AUTS2: variants seen among roughly 807,000 people sequenced by gnomAD.
AUTS2 encodes the protein activator of transcription and developmental regulator AUTS2, also known as autism susceptibility gene 2 protein.
In AUTS2, 17 loss-of-function variants were observed where a neutral mutation model predicts 112.4. That is an observed-to-expected ratio of 0.15 (90% CI 0.10 to 0.23). AUTS2 has a LOEUF of 0.23. Ranked by LOEUF, AUTS2 falls within the 10% of genes least tolerant of loss-of-function variation. The pLI, the probability that AUTS2 is intolerant of heterozygous loss-of-function variation, is 1.00. For missense variants in AUTS2, 1,510 were observed against 1,701.6 expected (o/e 0.89, Z 1.98); for synonymous variants, 751 against 702.7 (o/e 1.07, Z -1.09).
At chr7:70,412,790 AG>A (rs1794830258) in intron 4 of AUTS2, among the ~76,000 whole-genome samples, 1 of 152,182 alleles carries the variant, frequency 6.6e-6, no homozygotes, top group African/African-American at 2.4e-5. Flanking sequence ...CAGGAGTTCA[AG>A]ACCAGCCTGA....
At chr7:69,941,316 G>T (rs1006461785) in intron 2 of AUTS2, among the ~76,000 whole-genome samples, 3 of 152,260 alleles carry the variant, frequency 2.0e-5, no homozygotes, top group South Asian at 4.2e-4. Context: ...TTGCCACTTG[G>T]ATTCAAGAGG....
intron 2 of AUTS2, among the ~76,000 whole-genome samples, chr7:70,019,179 G>A (rs1177090356): frequency 1.3e-5 from 2 of 152,160 alleles, no homozygotes; most frequent in African/African-American, 4.8e-5. Context: ...ACCAAATACT[G>A]CATGTTCCCA....
chr7:70,425,709 T>TA (rs1341186175), intron 4 of AUTS2, among the ~76,000 whole-genome samples: 1 of 152,198 alleles, frequency 6.6e-6, no homozygotes, highest in Non-Finnish European at 1.5e-5. Flanking sequence ...TATGTTAAAT[T>TA]AGCAAAGAAT....
At chr7:70,691,027 TTTTAAACCTAG>T (rs1480314753) in intron 5 of AUTS2, among the ~76,000 whole-genome samples, 7 of 152,246 alleles carry the variant, frequency 4.6e-5, no homozygotes, top group Admixed American at 1.3e-4. Flanking sequence ...TTCCCTTTGT[TTTTAAACCTAG>T]TTTAAATCTT....
intron 5 of AUTS2, among the ~76,000 whole-genome samples, chr7:70,484,706 G>A (rs958199881): frequency 2.6e-5 from 4 of 152,156 alleles, no homozygotes; most frequent in Admixed American, 2.0e-4. Flanking sequence ...TGTAGGTTTA[G>A]GATCAACCTT....
intron 6 of AUTS2, among the ~76,000 whole-genome samples, chr7:70,753,821 A>C (rs1293378251): frequency 1.3e-5 from 2 of 152,190 alleles, no homozygotes; most frequent in Non-Finnish European, 2.9e-5. Flanking sequence ...TTAAAAAGAG[A>C]TTTTGTTTGA....
At chr7:69,868,824 T>C (rs762002975) in intron 1 of AUTS2, among the ~76,000 whole-genome samples, 1 of 152,192 alleles carries the variant, frequency 6.6e-6, no homozygotes. Flanking sequence ...ACTACCTGTA[T>C]TGACTTTTGA....
At position 70,385,327 on chromosome 7, in the gene AUTS2, G is replaced by A. The variant is rs1425216329; in HGVS notation, c.661-50425G>A. Reference sequence around the variant, plus strand: ...GAAAAGCCACAAGGAGGTCATTGTGGAGTTGTTGACTTTTTTATCTTCTTG... The same window carrying A: ...GAAAAGCCACAAGGAGGTCATTGTGAAGTTGTTGACTTTTTTATCTTCTTG... On this transcript the variant is annotated intron_variant, in intron 4 of 18. Coordinates refer to ENST00000342771, the MANE Select transcript of AUTS2 (RefSeq NM_015570.4). Among the ~76,000 whole-genome samples, 7 of 152,310 alleles carry A rather than the reference G, an allele frequency of 4.6e-5. No individual in the cohort carries two copies. In the East Asian group the frequency reaches 1.4e-3, roughly 29 times the overall value.
chr7:70,311,368 T>C (rs896453463), intron 4 of AUTS2, among the ~76,000 whole-genome samples: 2 of 152,142 alleles, frequency 1.3e-5, no homozygotes, highest in African/African-American at 4.8e-5. Flanking sequence ...GTGTCCCCTT[T>C]CTCCATTCTT....
chr7:70,350,072 C>T (rs376171712), intron 4 of AUTS2, among the ~76,000 whole-genome samples: 1 of 152,244 alleles, frequency 6.6e-6, no homozygotes, highest in East Asian at 1.9e-4. Context: ...CAGTTAAGCT[C>T]ATGGCCAGTA....
chr7:69,937,116 C>A (rs956355203), intron 2 of AUTS2, among the ~76,000 whole-genome samples: 1 of 152,038 alleles, frequency 6.6e-6, no homozygotes, highest in Non-Finnish European at 1.5e-5. Flanking sequence ...TGAGTATGCA[C>A]GAGGGACTGT....
chr7:69,659,456 T>C (rs1008534558), intron 1 of AUTS2, among the ~76,000 whole-genome samples: 2 of 151,870 alleles, frequency 1.3e-5, no homozygotes, highest in African/African-American at 4.8e-5. Flanking sequence ...AAGCAATTTT[T>C]TTTTTTTTTT....
intron 1 of AUTS2, among the ~76,000 whole-genome samples, chr7:69,764,426 G>C (rs1211005692): frequency 6.6e-6 from 1 of 151,862 alleles, no homozygotes; most frequent in Non-Finnish European, 1.5e-5. Context: ...GTTGCGGGCA[G>C]GGGCGCAGGT....
At chr7:70,150,142 T>G (rs1033917008) in intron 4 of AUTS2, among the ~76,000 whole-genome samples, 4 of 152,120 alleles carry the variant, frequency 2.6e-5, no homozygotes, top group African/African-American at 9.7e-5. Context: ...ATGCAAGAAT[T>G]TATTGTTTAA....
intron 4 of AUTS2, among the ~76,000 whole-genome samples, chr7:70,222,098 A>C (rs1811516824): frequency 6.6e-6 from 1 of 152,198 alleles, no homozygotes; most frequent in African/African-American, 2.4e-5. Flanking sequence ...TAAATTACCT[A>C]TGGATTAAAT....
At chr7:70,375,049 T>G (rs1296297736) in intron 4 of AUTS2, among the ~76,000 whole-genome samples, 1 of 152,192 alleles carries the variant, frequency 6.6e-6, no homozygotes, top group Non-Finnish European at 1.5e-5. Context: ...GTTCAGCTCT[T>G]CCTTGATAAT....
chr7:70,496,092 T>TCACA (rs1798477748), intron 5 of AUTS2, among the ~76,000 whole-genome samples: 1 of 81,674 alleles, frequency 1.2e-5, no homozygotes, highest in Admixed American at 1.7e-4. Context: ...ACATACACAG[T>TCACA]CAGACACACA....
At chr7:70,526,613 G>A (rs1340207610) in intron 5 of AUTS2, among the ~76,000 whole-genome samples, 1 of 152,122 alleles carries the variant, frequency 6.6e-6, no homozygotes, top group African/African-American at 2.4e-5. Context: ...GAGATTGCAG[G>A]GAGCCGAGAT....
At chr7:70,450,518 G>C (rs576951399) in intron 5 of AUTS2, among the ~76,000 whole-genome samples, 2 of 152,230 alleles carry the variant, frequency 1.3e-5, no homozygotes, top group Admixed American at 1.3e-4. Flanking sequence ...ACTTCTGTTT[G>C]TTTGGTCAGG....
Sources: allele counts gnomAD v4.1 joint callset (sites outside exome capture counted in the v4.1 genomes callset), GRCh38; gene constraint gnomAD v4.1.1; transcripts MANE v1.5; gene names NCBI Gene and HGNC (gene_info 2026-07-23, HGNC 2026-07-21).